The following RALGAPA2 variants were observed in gnomAD, a reference collection of about 807,000 sequenced individuals.
RALGAPA2 encodes the protein ral GTPase-activating protein subunit alpha-2.
Under a neutral mutation model 230.4 loss-of-function variants are expected in RALGAPA2, and 139 were observed. The observed-to-expected ratio is 0.60, with a 90% confidence interval of 0.53 to 0.69. The LOEUF (loss-of-function observed/expected upper bound fraction) is 0.69. RALGAPA2 is among the 30% of genes least tolerant of loss of function. The probability of loss-of-function intolerance (pLI) is 0.00; values close to 1 mark genes in which losing one functional copy is unlikely to be tolerated. For synonymous variants in RALGAPA2, 847 were observed against 837.8 expected, an observed-to-expected ratio of 1.01 and a Z score of -0.19; for missense variants, 2,163 against 2,276.0, an observed-to-expected ratio of 0.95 and a Z score of 1.01.
At chr20:20,581,476 C>T (rs909148595) in intron 20 of RALGAPA2, among the ~76,000 whole-genome samples, 3 of 152,112 alleles carry the variant, frequency 2.0e-5, no homozygotes, top group Non-Finnish European at 2.9e-5. Flanking sequence ...TAGCACTGCA[C>T]GTTGAGTCAA....
intron 33 of RALGAPA2, among the ~76,000 whole-genome samples, chr20:20,510,086 A>G (rs1439726685): frequency 2.0e-5 from 3 of 152,196 alleles, no homozygotes; most frequent in Non-Finnish European, 4.4e-5. Flanking sequence ...TCTAAAATAA[A>G]CAATAAAACC....
intron 18 of RALGAPA2, among the ~76,000 whole-genome samples, chr20:20,587,500 C>T (rs929397825): frequency 1.3e-5 from 2 of 152,072 alleles, no homozygotes; most frequent in African/African-American, 4.8e-5. Flanking sequence ...CCCTACCTCA[C>T]TCCATAAACA....
intron 37 of RALGAPA2, among the ~76,000 whole-genome samples, chr20:20,466,666 T>C (rs985120076): frequency 2.0e-5 from 3 of 152,254 alleles, no homozygotes; most frequent in Admixed American, 6.5e-5. Context: ...TTCCTGTGAC[T>C]GGACCTCATG....
intron 23 of RALGAPA2, among the ~76,000 whole-genome samples, chr20:20,563,170 C>G (rs574887067): frequency 2.0e-5 from 3 of 152,330 alleles, no homozygotes; most frequent in Non-Finnish European, 4.4e-5. Flanking sequence ...TATTATCCTT[C>G]AATCAAACCT....
At chr20:20,423,695 A>G (rs769167481) in intron 37 of RALGAPA2, among the ~76,000 whole-genome samples, 3 of 152,242 alleles carry the variant, frequency 2.0e-5, no homozygotes, top group Non-Finnish European at 4.4e-5. Context: ...TATAATGTAA[A>G]TTTAAATTCT....
In RALGAPA2 at chr20:20,495,248, G is replaced by T. The variant is rs375552712; in HGVS notation, c.5236C>A (p.His1746Asn). The stretch of plus-strand genomic sequence containing the variant: ...CTGGAGTGTTCAGACCAGACGATAT[G>T]GACCTCGTCATTCCCCAAGTGACGA... Reference protein sequence around the residue: ...KLRHLGNDEVHIVWSEHSRDY... With the variant: ...KLRHLGNDEVNIVWSEHSRDY... Residue 1746 changes from histidine to asparagine, a missense_variant, in exon 36 of 40, where the codon CAT (histidine) becomes AAT (asparagine). Coordinates refer to ENST00000202677, the MANE Select transcript of RALGAPA2 (RefSeq NM_020343.4). The T allele has an allele frequency of 2.6e-6, 4 of 1,543,888 alleles. No homozygotes were observed. Among genetic ancestry groups the T allele is most frequent in the Non-Finnish European group, 3.5e-6 (4 of 1,133,498 alleles).
chr20:20,495,242 C>G lies in RALGAPA2; in HGVS notation c.5242G>C (p.Val1748Leu). 1 of 1,556,036 alleles carries G rather than the reference C, an allele frequency of 6.4e-7. No individual in the cohort carries two copies. The highest frequency in any genetic ancestry group is 8.8e-7 in the Non-Finnish European group (1 of 1,141,398). The change falls in exon 36 of 40, where the codon GTC becomes CTC. Residue 1748 changes from valine (V) to leucine (L), a missense_variant. Val to Leu is a conservative substitution (Grantham distance 32, BLOSUM62 1). Coordinates refer to ENST00000202677, the MANE Select transcript of RALGAPA2 (RefSeq NM_020343.4). The stretch of plus-strand genomic sequence containing the variant: ...TAGTCTCTGGAGTGTTCAGACCAGA[C>G]GATATGGACCTCGTCATTCCCCAAG... ...RHLGNDEVHI[V>L]WSEHSRDYRR... is the part of the protein sequence containing the mutation.
intron 17 of RALGAPA2, 89 bp downstream of exon 17, chr20:20,591,088 G>T: frequency 1.4e-6 from 2 of 1,383,044 alleles, no homozygotes; most frequent in East Asian, 2.4e-5. Context: ...AATATATTCA[G>T]AATATATGTA....
intron 1 of RALGAPA2, among the ~76,000 whole-genome samples, chr20:20,697,878 T>A (rs2069179680): frequency 6.6e-6 from 1 of 152,152 alleles, no homozygotes; most frequent in South Asian, 2.1e-4. Context: ...TGAGACTGGG[T>A]AAGTACCCTG....
At chr20:20,504,920 C>T in intron 34 of RALGAPA2, 1 of 908,534 alleles carries the variant, frequency 1.1e-6, no homozygotes. Context: ...AAAAAATAAA[C>T]TTTTTCAACA....
intron 12 of RALGAPA2, among the ~76,000 whole-genome samples, chr20:20,618,907 T>C (rs921744868): frequency 7.2e-5 from 11 of 152,216 alleles, no homozygotes; most frequent in African/African-American, 2.2e-4. Context: ...ACTTATAAGA[T>C]TTTATAATTG....
chr20:20,394,011 T>C (rs2059653315), intron 39 of RALGAPA2, among the ~76,000 whole-genome samples: 1 of 152,206 alleles, frequency 6.6e-6, no homozygotes. Context: ...TGTTGTATTA[T>C]GCCCCAAGTT....
chr20:20,486,796 C>T (rs1011145960), intron 36 of RALGAPA2, among the ~76,000 whole-genome samples: 2 of 152,208 alleles, frequency 1.3e-5, no homozygotes, highest in Non-Finnish European at 2.9e-5. Flanking sequence ...TCCAGTTTCA[C>T]GGTTTCTACT....
chr20:20,603,070 A>C (rs1192164596), intron 15 of RALGAPA2, among the ~76,000 whole-genome samples: 4 of 152,152 alleles, frequency 2.6e-5, no homozygotes, highest in Non-Finnish European at 5.9e-5. Flanking sequence ...GTCAGAGAGG[A>C]CTAGATGGAC....
In RALGAPA2 at chr20:20,512,804, T is replaced by C. The variant is rs745836321; in HGVS notation, c.4565A>G (p.Lys1522Arg). The C allele has an allele frequency of 1.9e-6, 3 of 1,613,848 alleles. No individual in the cohort carries two copies. The highest frequency in any genetic ancestry group is 2.5e-6 in the Non-Finnish European group (3 of 1,179,758). The change falls in exon 32 of 40, where the codon AAA (lysine) becomes AGA (arginine). Residue 1522 changes from lysine (K) to arginine (R), a missense_variant. Physicochemically the swap from Lys to Arg is conservative, Grantham distance 26 (BLOSUM62 2). Transcript: ENST00000202677. ...TGTATGGCCAATGTTTTCAAGTAAT[T>C]TGTCAAGAACATCATCCCCCTCCTC... ...QVEEGDDVLD[K>R]LLENIGHTSP...
At chr20:20,579,280 C>T (rs560394204) in intron 20 of RALGAPA2, among the ~76,000 whole-genome samples, 6 of 152,242 alleles carry the variant, frequency 3.9e-5, no homozygotes, top group South Asian at 4.2e-4. Flanking sequence ...TGTATTTGTT[C>T]GCTGATTCAA....
intron 1 of RALGAPA2, among the ~76,000 whole-genome samples, chr20:20,696,668 C>T (rs1448889986): frequency 6.6e-6 from 1 of 151,400 alleles, no homozygotes; most frequent in East Asian, 2.0e-4. Context: ...CATGAGATTT[C>T]CAGTCTATTT....
intron 3 of RALGAPA2, among the ~76,000 whole-genome samples, chr20:20,664,912 G>A (rs1267068785): frequency 6.6e-6 from 1 of 152,102 alleles, no homozygotes; most frequent in Non-Finnish European, 1.5e-5. Context: ...AGGCCTGCAG[G>A]AAAAGCCAGT....
At chr20:20,591,403 G>C in intron 16 of RALGAPA2, 89 bp from the exon 17 acceptor site, 2 of 1,379,450 alleles carry the variant, frequency 1.4e-6, no homozygotes, top group South Asian at 1.4e-5. Flanking sequence ...AAAAAATAAA[G>C]TTTCAAATGC....
Sources: allele counts gnomAD v4.1 joint callset (sites outside exome capture counted in the v4.1 genomes callset), GRCh38; gene constraint gnomAD v4.1.1; transcripts MANE v1.5; gene names NCBI Gene and HGNC (gene_info 2026-07-23, HGNC 2026-07-21).